The following ZNF385D variants were observed in gnomAD, a reference collection of about 807,000 sequenced individuals.
ZNF385D encodes the protein zinc finger protein 385D.
In ZNF385D, 15 loss-of-function variants were observed where a neutral mutation model predicts 35.8. The observed-to-expected ratio is 0.42, with a 90% CI of 0.28 to 0.64. The LOEUF (loss-of-function observed/expected upper bound fraction) is 0.64, where lower values mean the gene tolerates loss of function less well. Among genes scored for constraint, ZNF385D ranks in the 30% least tolerant of loss-of-function variants. The pLI is 0.23. For synonymous variants in ZNF385D, 212 were observed against 186.8 expected, an observed-to-expected ratio of 1.13 and a Z score of -1.10; for missense variants, 474 against 494.6, an observed-to-expected ratio of 0.96 and a Z score of 0.39.
At chr3:22,290,965 A>C (rs1702272426) in intron 2 of ZNF385D, among the ~76,000 whole-genome samples, 1 of 152,132 alleles carries the variant, frequency 6.6e-6, no homozygotes, top group South Asian at 2.1e-4. Context: ...ATGAGGAACA[A>C]GAGACTGCTC....
intron 3 of ZNF385D, among the ~76,000 whole-genome samples, chr3:21,949,910 T>C (rs950596109): frequency 2.0e-5 from 3 of 152,212 alleles, no homozygotes; most frequent in African/African-American, 7.2e-5. Context: ...GGCTGCATAG[T>C]ATTCCATGGT....
intron 3 of ZNF385D, among the ~76,000 whole-genome samples, chr3:22,002,392 G>C (rs1695896579): frequency 6.6e-6 from 1 of 152,056 alleles, no homozygotes; most frequent in African/African-American, 2.4e-5. Flanking sequence ...ACTGAAGCAG[G>C]AATGAACAAA....
At chr3:22,117,508 G>T (rs530996833) in intron 3 of ZNF385D, among the ~76,000 whole-genome samples, 43 of 152,002 alleles carry the variant, frequency 2.8e-4, no homozygotes, top group African/African-American at 1.0e-3. Context: ...ACCAAAATTG[G>T]CATGAAATGA....
In ZNF385D at chr3:21,698,910, A is replaced by G. The variant is rs552266559; in HGVS notation, c.23-33882T>C. Reference sequence around the variant, plus strand: ...TGTCGGTGGGAATGAAAATTAGTTCAACCACTGTGGAAGACGCTGTGGCAA... The same window carrying G: ...TGTCGGTGGGAATGAAAATTAGTTCGACCACTGTGGAAGACGCTGTGGCAA... On this transcript the variant is annotated intron_variant, in intron 1 of 7. Coordinates refer to ENST00000281523, the MANE Select transcript of ZNF385D (RefSeq NM_024697.3). Among the ~76,000 whole-genome samples, 26 of 152,292 alleles carry G rather than the reference A, an allele frequency of 1.7e-4. No homozygotes were observed. The South Asian group carries it at 3.7e-3, about 22-fold the overall frequency.
chr3:21,862,290 CTA>C (rs976926061), intron 3 of ZNF385D, among the ~76,000 whole-genome samples: 2 of 141,120 alleles, frequency 1.4e-5, no homozygotes, highest in Admixed American at 7.1e-5. Context: ...CAGGATATCT[CTA>C]CTTTTTTTTT....
chr3:21,717,574 C>A (rs1366347239), intron 1 of ZNF385D, among the ~76,000 whole-genome samples: 2 of 152,180 alleles, frequency 1.3e-5, no homozygotes, highest in Admixed American at 6.5e-5. Flanking sequence ...ACTGTGTCCC[C>A]ACCCAAATCT....
rs575272050 is a variant in ZNF385D, at chr3:21,561,045, C to T, written c.276+3529G>A. On this transcript the variant is annotated intron_variant, in intron 3 of 7. Transcript: ENST00000281523. ...CGACCTCAGACTGCCATGCTGACAG[C>T]GTGAATTTCAAGCCCGTGGATCTTA... Among the ~76,000 whole-genome samples the T allele has an allele frequency of 1.0e-3, 154 of 152,288 alleles. 2 individuals are homozygous for T. In the South Asian group the frequency reaches 0.019, roughly 19 times the overall value.
intron 2 of ZNF385D, among the ~76,000 whole-genome samples, chr3:22,320,932 G>C (rs560573450): frequency 4.6e-5 from 7 of 151,800 alleles, no homozygotes. Flanking sequence ...ATTGTTATTG[G>C]AAGAAAAATG....
intron 3 of ZNF385D, among the ~76,000 whole-genome samples, chr3:22,109,702 G>C (rs991468257): frequency 3.9e-5 from 6 of 152,024 alleles, no homozygotes; most frequent in African/African-American, 1.4e-4. Context: ...ATATATTTAG[G>C]ATAGTTCAAC....
At chr3:21,555,620 G>A (rs575749312) in intron 3 of ZNF385D, among the ~76,000 whole-genome samples, 29 of 152,200 alleles carry the variant, frequency 1.9e-4, no homozygotes, top group African/African-American at 6.7e-4. Flanking sequence ...TCACTGATGG[G>A]CATTTGGGTT....
rs140451143 is a variant in ZNF385D, at chr3:21,647,223, A to G, written c.165+17663T>C. On this transcript the variant is annotated intron_variant, in intron 2 of 7. Coordinates refer to ENST00000281523, the MANE Select transcript of ZNF385D (RefSeq NM_024697.3). ...ACAAAAACAAACAAAACAAAATCTC[A>G]TATGAGAGTTTCCTTGTTGTCTTAT... 6.4e-3 allele frequency among the ~76,000 whole-genome samples: 981 copies of G among 152,326 alleles called. 10 individuals are homozygous for G. Among genetic ancestry groups the G allele is most frequent in the African/African-American group, 0.021 (870 of 41,584 alleles).
intron 2 of ZNF385D, among the ~76,000 whole-genome samples, chr3:21,616,298 G>C (rs981631085): frequency 6.6e-6 from 1 of 152,136 alleles, no homozygotes; most frequent in Non-Finnish European, 1.5e-5. Flanking sequence ...CCTTGCAAAG[G>C]AATCTGGGTA....
rs112877610 is a variant in ZNF385D, at chr3:21,682,574, G to A, written c.23-17546C>T. ...TTCAGGTCCTTTAATAGAAATGAAA[G>A]TCAAGGGTTAATCTTTTTTAGGGAA... On this transcript the variant is annotated intron_variant, in intron 1 of 7. Transcript: ENST00000281523. 2.3e-4 allele frequency among the ~76,000 whole-genome samples: 35 copies of A among 150,264 alleles called. 1 individual carries two copies. Among genetic ancestry groups the A allele is most frequent in the African/African-American group, 6.9e-4 (28 of 40,854 alleles).
At chr3:21,982,791 G>T (rs1021991810) in intron 3 of ZNF385D, among the ~76,000 whole-genome samples, 2 of 147,318 alleles carry the variant, frequency 1.4e-5, no homozygotes, top group African/African-American at 5.1e-5. Context: ...TTGTTAACAT[G>T]AAGGGCTGTT....
chr3:21,938,093 C>T (rs773288163), intron 3 of ZNF385D, among the ~76,000 whole-genome samples: 2 of 152,178 alleles, frequency 1.3e-5, no homozygotes, highest in Non-Finnish European at 2.9e-5. Context: ...AATCCCAATG[C>T]ATAGAATATT....
chr3:21,916,177 T>A (rs1200395435), intron 3 of ZNF385D, among the ~76,000 whole-genome samples: 2 of 152,054 alleles, frequency 1.3e-5, no homozygotes, highest in South Asian at 4.2e-4. Context: ...ATTTTGTTAA[T>A]CACAATGCAA....
intron 3 of ZNF385D, among the ~76,000 whole-genome samples, chr3:21,544,658 C>G (rs903570457): frequency 4.6e-5 from 7 of 152,144 alleles, no homozygotes; most frequent in African/African-American, 1.7e-4. Flanking sequence ...GAAATACAAT[C>G]AGAAGGTATT....
At chr3:21,511,111 A>G in intron 3 of ZNF385D, 88 bp from the exon 4 acceptor site, 3 of 1,510,014 alleles carry the variant, frequency 2.0e-6, no homozygotes, top group Non-Finnish European at 2.7e-6. Flanking sequence ...ACTCCCTTTC[A>G]ATAACAGGTA....
At chr3:21,818,026 T>C (rs1249065248) in intron 3 of ZNF385D, among the ~76,000 whole-genome samples, 4 of 152,078 alleles carry the variant, frequency 2.6e-5, no homozygotes, top group African/African-American at 7.2e-5. Context: ...ATGTCCTTTG[T>C]AGGGACATGG....
Sources: gnomAD v4.1 joint callset for allele counts (sites outside exome capture counted in the v4.1 genomes callset) on GRCh38, gnomAD v4.1.1 for gene constraint, MANE v1.5 for transcripts, NCBI Gene and HGNC (gene_info 2026-07-23, HGNC 2026-07-21) for gene names.